HGD: variants seen among roughly 807,000 people sequenced by gnomAD.
HGD encodes the protein homogentisate 1,2-dioxygenase.
A neutral mutation model predicts 60.8 loss-of-function variants in HGD; 61 were observed. The ratio of observed to expected loss-of-function variants is 1.00; its 90% CI spans 0.82 to 1.24. HGD has a LOEUF of 1.24. Ranked by LOEUF, HGD falls within the 50% of genes most tolerant of loss-of-function variation. HGD has a pLI of 0.00. For synonymous variants in HGD, 212 were observed against 187.7 expected, an observed-to-expected ratio of 1.13 and a Z score of -1.06; for missense variants, 542 against 547.1, an observed-to-expected ratio of 0.99 and a Z score of 0.09.
chr3:120,669,226 G>C (rs1707969623), intron 4 of HGD, among the ~76,000 whole-genome samples: 1 of 151,672 alleles, frequency 6.6e-6, no homozygotes, highest in Non-Finnish European at 1.5e-5. Context: ...TGTCTGTATT[G>C]AATGTATTTT....
chr3:120,649,353 T>C (rs2432696), intron 6 of HGD, among the ~76,000 whole-genome samples: 89,938 of 151,386 alleles, frequency 0.59, 27,720 homozygotes, highest in East Asian at 0.81. Flanking sequence ...CTATGTTGGC[T>C]AGGCTGGTCT....
chr3:120,641,791 T>A (rs1020373157), intron 10 of HGD, 98 bp from the exon 11 acceptor site: 1 of 841,182 alleles, frequency 1.2e-6, no homozygotes, highest in African/African-American at 1.7e-5. Context: ...CTTCTTTTGA[T>A]TTGATTTTGT....
chr3:120,635,792 C>T (rs1444995290), intron 12 of HGD, among the ~76,000 whole-genome samples: 2 of 152,056 alleles, frequency 1.3e-5, no homozygotes, highest in Non-Finnish European at 2.9e-5. Context: ...TTTGTGTCAG[C>T]AAGTCTGAAC....
chr3:120,645,544 T>C (rs903297527), intron 9 of HGD, among the ~76,000 whole-genome samples: 2 of 152,228 alleles, frequency 1.3e-5, no homozygotes, highest in African/African-American at 4.8e-5. Flanking sequence ...ATGGGGGCTG[T>C]GGAGACCTTG....
chr3:120,672,439 G>A lies in HGD; in HGVS notation c.177-1907C>T, dbSNP rs145391585. Among the ~76,000 whole-genome samples the A allele has an allele frequency of 9.5e-3, 1,439 of 152,236 alleles. 18 individuals carry two copies. The highest frequency in any genetic ancestry group is 0.033 in the African/African-American group (1,368 of 41,528). ...CCCTGACAAAATACAGAAGGACAAC[G>A]GAAGACCAGACCTGAATCAACAGGC... On this transcript the variant is annotated intron_variant, in intron 3 of 13. Coordinates refer to ENST00000283871, the MANE Select transcript of HGD (RefSeq NM_000187.4).
intron 4 of HGD, among the ~76,000 whole-genome samples, chr3:120,656,361 T>C (rs2194423): frequency 0.84 from 128,590 of 152,194 alleles, 55,152 homozygotes; most frequent in East Asian, 0.98. Context: ...TTATACTATA[T>C]GCTATTGTTA....
intron 12 of HGD, among the ~76,000 whole-genome samples, chr3:120,635,675 T>C (rs1346214136): frequency 6.6e-6 from 1 of 152,060 alleles, no homozygotes; most frequent in Non-Finnish European, 1.5e-5. Flanking sequence ...GGTTCTGTGG[T>C]TTTTTCCCAA....
chr3:120,646,475 T>G (rs1363369226), intron 8 of HGD, 109 bp from the exon 9 acceptor site: 3 of 780,722 alleles, frequency 3.8e-6, no homozygotes, highest in Non-Finnish European at 6.9e-6. Flanking sequence ...AGCTCTTGTT[T>G]GTTGAGCTGC....
intron 10 of HGD, 112 bp downstream of exon 10, chr3:120,644,207 G>A (rs1941084333): frequency 2.4e-6 from 3 of 1,243,388 alleles, no homozygotes; most frequent in African/African-American, 2.9e-5. Flanking sequence ...TGCCGTAGTG[G>A]TATGATAACA....
At chr3:120,628,676 C>A in intron 13 of HGD, 147 bp from the exon 14 acceptor site, 1 of 951,144 alleles carries the variant, frequency 1.1e-6, no homozygotes. Flanking sequence ...GGAGAGCAGG[C>A]TCAAGCCCTG....
intron 4 of HGD, among the ~76,000 whole-genome samples, chr3:120,658,440 G>A (rs111226618): frequency 0.059 from 8,963 of 152,280 alleles, 771 homozygotes; most frequent in African/African-American, 0.19. Flanking sequence ...AGGGTACACT[G>A]GTGTGAGGGG....
intron 6 of HGD, among the ~76,000 whole-genome samples, chr3:120,648,158 G>A (rs1168984210): frequency 6.6e-6 from 1 of 152,092 alleles, no homozygotes; most frequent in Non-Finnish European, 1.5e-5. Flanking sequence ...CAAGTTTGAG[G>A]GAATGAAAGA....
intron 9 of HGD, 93 bp from the exon 10 acceptor site, chr3:120,644,536 C>G: frequency 6.3e-7 from 1 of 1,596,262 alleles, no homozygotes; most frequent in South Asian, 1.1e-5. Flanking sequence ...TCTTTCATGT[C>G]AAGAGCTACT....
chr3:120,659,212 C>T (rs1941587324), intron 4 of HGD, among the ~76,000 whole-genome samples: 1 of 152,220 alleles, frequency 6.6e-6, no homozygotes, highest in South Asian at 2.1e-4. Context: ...CTCTACTTCC[C>T]TTTAAATACA....
intron 10 of HGD, among the ~76,000 whole-genome samples, chr3:120,642,261 G>A (rs186311786): frequency 2.6e-5 from 4 of 152,310 alleles, no homozygotes; most frequent in African/African-American, 7.2e-5. Context: ...CCTGCTATAG[G>A]AAGGTGGTCC....
intron 4 of HGD, among the ~76,000 whole-genome samples, chr3:120,664,055 AGTATTGCCATGGAGGTC>A (rs1268508571): frequency 1.3e-5 from 2 of 152,186 alleles, no homozygotes; most frequent in African/African-American, 2.4e-5. Flanking sequence ...TTTGAACTCC[AGTATTGCCATGGAGGTC>A]ACTGTTATGT....
intron 12 of HGD, among the ~76,000 whole-genome samples, chr3:120,634,304 A>G (rs879336884): frequency 6.6e-6 from 1 of 152,196 alleles, no homozygotes; most frequent in Non-Finnish European, 1.5e-5. Flanking sequence ...AAAAATCACC[A>G]TGCTTCCACT....
chr3:120,641,936 G>A, intron 10 of HGD: 1 of 524,198 alleles, frequency 1.9e-6, no homozygotes, highest in Non-Finnish European at 3.5e-6. Context: ...GATCACACAT[G>A]CAGCAGAAAC....
intron 8 of HGD, among the ~76,000 whole-genome samples, chr3:120,646,583 A>G (rs370156417): frequency 1.3e-5 from 2 of 151,926 alleles, no homozygotes; most frequent in East Asian, 1.9e-4. Context: ...CTAATCACAC[A>G]TGTGACCCAA....
Sources: allele counts gnomAD v4.1 joint callset (sites outside exome capture counted in the v4.1 genomes callset), GRCh38; gene constraint gnomAD v4.1.1; transcripts MANE v1.5; gene names NCBI Gene and HGNC (gene_info 2026-07-23, HGNC 2026-07-21).